Variants in ZNF536 observed in about 807,000 individuals in gnomAD.
ZNF536 encodes zinc finger protein 536.
In ZNF536, 13 loss-of-function variants were observed where a neutral mutation model predicts 84.5. That is an observed-to-expected ratio of 0.15 (90% confidence interval 0.10 to 0.24). The LOEUF is 0.24. ZNF536 is among the 10% of genes least tolerant of loss of function. The pLI, the probability that ZNF536 is intolerant of heterozygous loss-of-function variation, is 1.00. For missense variants in ZNF536, 1,536 were observed against 1,747.5 expected (o/e 0.88, Z 2.16); for synonymous variants, 811 against 742.5 (o/e 1.09, Z -1.50).
At chr19:30,260,962 G>T (rs1176839273) in intron 1 of ZNF536, among the ~76,000 whole-genome samples, 1 of 152,182 alleles carries the variant, frequency 6.6e-6, no homozygotes, top group Non-Finnish European at 1.5e-5. Flanking sequence ...AGACTATTTT[G>T]CATGATACAT....
chr19:30,479,960 A>G (rs183930067), intron 2 of ZNF536, among the ~76,000 whole-genome samples: 2 of 152,248 alleles, frequency 1.3e-5, no homozygotes, highest in East Asian at 3.9e-4. Context: ...GTTCCAAGGG[A>G]GCCCGCGCTG....
intron 2 of ZNF536, among the ~76,000 whole-genome samples, chr19:30,325,394 CCAT>C (rs1242291437): frequency 6.6e-6 from 1 of 152,212 alleles, no homozygotes; most frequent in African/African-American, 2.4e-5. Context: ...AGTCAGCAGG[CCAT>C]CATCAAGCTG....
At chr19:30,654,077 T>C (rs1201166013) in intron 1 of ZNF536, among the ~76,000 whole-genome samples, 1 of 152,148 alleles carries the variant, frequency 6.6e-6, no homozygotes, top group Non-Finnish European at 1.5e-5. Flanking sequence ...TCCCAGCTAA[T>C]TAAAGGTCTT....
At chr19:30,706,889 T>G (rs1396561856) in intron 1 of ZNF536, among the ~76,000 whole-genome samples, 1 of 152,208 alleles carries the variant, frequency 6.6e-6, no homozygotes, top group Non-Finnish European at 1.5e-5. Context: ...ACAGTCCATT[T>G]CAGAGAAGCT....
At chr19:30,654,690 G>A (rs940343829) in intron 1 of ZNF536, among the ~76,000 whole-genome samples, 1 of 152,038 alleles carries the variant, frequency 6.6e-6, no homozygotes, top group Non-Finnish European at 1.5e-5. Flanking sequence ...TGCTACTGGG[G>A]CACTGACTGA....
chr19:30,471,858 T>G (rs3786807), intron 2 of ZNF536, among the ~76,000 whole-genome samples: 1 of 152,122 alleles, frequency 6.6e-6, no homozygotes, highest in African/African-American at 2.4e-5. Flanking sequence ...ACTTTTATTT[T>G]TAAGTTTTTT....
intron 1 of ZNF536, among the ~76,000 whole-genome samples, chr19:30,620,871 C>CAA (rs759907246): frequency 1.4e-5 from 2 of 138,930 alleles, no homozygotes; most frequent in African/African-American, 5.3e-5. Context: ...CCAATTCTGG[C>CAA]AAAAAAAAAA....
intron 3 of ZNF536, among the ~76,000 whole-genome samples, chr19:30,544,678 T>C (rs1340418407): frequency 1.3e-5 from 2 of 152,204 alleles, no homozygotes; most frequent in East Asian, 3.9e-4. Context: ...AGGTGTTTAT[T>C]CATTCATCCA....
chr19:30,685,234 A>T (rs895113101), intron 1 of ZNF536, among the ~76,000 whole-genome samples: 4 of 151,986 alleles, frequency 2.6e-5, no homozygotes, highest in African/African-American at 7.3e-5. Context: ...GTGCGACTGC[A>T]CCCCTGTCTC....
intron 1 of ZNF536, among the ~76,000 whole-genome samples, chr19:30,648,950 G>A (rs1026236789): frequency 6.6e-6 from 1 of 152,206 alleles, no homozygotes; most frequent in Admixed American, 6.5e-5. Context: ...ACTTTAGGGG[G>A]TTCTTCTTCA....
chr19:30,422,502 T>G (rs1206366835), intron 1 of ZNF536, among the ~76,000 whole-genome samples: 1 of 152,318 alleles, frequency 6.6e-6, no homozygotes, highest in South Asian at 2.1e-4. Flanking sequence ...GCCACCTCCC[T>G]GCAAGAGTAT....
intron 2 of ZNF536, among the ~76,000 whole-genome samples, chr19:30,324,400 T>C (rs2046956400): frequency 6.6e-6 from 1 of 152,188 alleles, no homozygotes; most frequent in Non-Finnish European, 1.5e-5. Context: ...CTTTTTTATT[T>C]CAGGTAGGAT....
intron 1 of ZNF536, among the ~76,000 whole-genome samples, chr19:30,696,744 A>AAGCCACCTGAAG (rs2051677020): frequency 6.6e-6 from 1 of 152,142 alleles, no homozygotes; most frequent in Admixed American, 6.5e-5. Flanking sequence ...TGAAGCCAAC[A>AAGCCACCTGAAG]CCTGGTGGGG....
upstream of ZNF536, among the ~76,000 whole-genome samples, chr19:30,371,953 C>T (rs2048626522): frequency 1.3e-5 from 2 of 151,892 alleles, no homozygotes; most frequent in Non-Finnish European, 2.9e-5. Flanking sequence ...TGCTTGTTTT[C>T]GTAAGGTAAA....
At chr19:30,321,544 C>T (rs905244041) in intron 2 of ZNF536, among the ~76,000 whole-genome samples, 7 of 151,868 alleles carry the variant, frequency 4.6e-5, no homozygotes, top group South Asian at 2.1e-4. Flanking sequence ...GATGACAGAG[C>T]GAGACTCTGT....
chr19:30,343,626 G>A (rs527334463), intron 2 of ZNF536, among the ~76,000 whole-genome samples: 46 of 152,300 alleles, frequency 3.0e-4, no homozygotes, highest in African/African-American at 1.1e-3. Flanking sequence ...AGCTGAAGAT[G>A]TATATAGCAT....
In ZNF536 at chr19:30,243,428, C is replaced by T. The variant is rs561492595; in HGVS notation, c.-190+14755C>T. ...TTTGAACCAACAGTTCTTTTTCCTC[C>T]GAGGAAATATTGCAGTCTGTAGTAA... On this transcript the variant is annotated intron_variant, in intron 1 of 5. Coordinates refer to the ZNF536 transcript ENST00000585628. Among the ~76,000 whole-genome samples, 6 of 152,086 alleles carry T rather than the reference C, an allele frequency of 3.9e-5. No homozygotes were observed. The East Asian group carries it at 1.2e-3, about 29-fold the overall frequency.
At chr19:30,562,890 A>G (rs1242811150), downstream of ZNF536, among the ~76,000 whole-genome samples, 4 of 152,294 alleles carry the variant, frequency 2.6e-5, no homozygotes, top group South Asian at 2.1e-4. Flanking sequence ...AGCCCGGGGT[A>G]GTTTGGAACA....
At chr19:30,384,960 G>A (rs1466184844) in intron 1 of ZNF536, among the ~76,000 whole-genome samples, 7 of 152,024 alleles carry the variant, frequency 4.6e-5, no homozygotes, top group Non-Finnish European at 1.0e-4. Context: ...AGGCAGTCGA[G>A]GCTGCAGTTT....
Sources: allele counts gnomAD v4.1 joint callset (sites outside exome capture counted in the v4.1 genomes callset), GRCh38; gene constraint gnomAD v4.1.1; transcripts MANE v1.5; gene names NCBI Gene and HGNC (gene_info 2026-07-23, HGNC 2026-07-21).